NAV3: variants seen among roughly 807,000 people sequenced by gnomAD.
NAV3 encodes the protein pore membrane and/or filament interacting like protein 1.
NAV3 carries 87 observed loss-of-function variants against 244.7 expected under a neutral mutation model. That is an observed-to-expected ratio of 0.36 (90% CI 0.30 to 0.42). NAV3 has a LOEUF of 0.42. Among genes scored for constraint, NAV3 ranks in the 20% least tolerant of loss-of-function variants. The pLI is 1.00. For synonymous variants in NAV3, 1,126 were observed against 1,042.2 expected (o/e 1.08, Z -1.55); for missense variants, 2,663 against 2,893.3 (o/e 0.92, Z 1.83).
chr12:77,756,241 T>C (rs1201478183), intron 2 of NAV3, among the ~76,000 whole-genome samples: 1 of 152,158 alleles, frequency 6.6e-6, no homozygotes, highest in Non-Finnish European at 1.5e-5. Flanking sequence ...TAAAAGCAAG[T>C]GTTTATAGAA....
chr12:77,719,956 T>C (rs1391173324), intron 2 of NAV3, among the ~76,000 whole-genome samples: 1 of 152,140 alleles, frequency 6.6e-6, no homozygotes, highest in Non-Finnish European at 1.5e-5. Flanking sequence ...TTTATTTTCT[T>C]TTATTACTGA....
chr12:78,017,850 T>G (rs1876487692), intron 8 of NAV3, among the ~76,000 whole-genome samples: 2 of 152,188 alleles, frequency 1.3e-5, no homozygotes, highest in African/African-American at 2.4e-5. Context: ...TTTGATCATT[T>G]GCATAAAAGG....
At chr12:77,826,005 G>A (rs527676069), upstream of NAV3, among the ~76,000 whole-genome samples, 10 of 152,100 alleles carry the variant, frequency 6.6e-5, no homozygotes, top group East Asian at 1.7e-3. Context: ...GAGTAGAATG[G>A]CTAAAATGAA....
intron 5 of NAV3, among the ~76,000 whole-genome samples, chr12:77,982,795 G>T (rs1869810675): frequency 6.6e-6 from 1 of 152,158 alleles, no homozygotes; most frequent in Admixed American, 6.5e-5. Context: ...GTGAGAGACA[G>T]AATATCTGTG....
chr12:78,058,342 G>T (rs1250087933), intron 11 of NAV3, among the ~76,000 whole-genome samples: 1 of 152,156 alleles, frequency 6.6e-6, no homozygotes, highest in Non-Finnish European at 1.5e-5. Flanking sequence ...GAGAGCTTGT[G>T]CAAGGGAACT....
intron 2 of NAV3, among the ~76,000 whole-genome samples, chr12:77,685,857 T>C (rs1450826699): frequency 6.6e-6 from 1 of 152,240 alleles, no homozygotes. Flanking sequence ...GAATACATTT[T>C]GCCTCACTAT....
At chr12:77,648,486 G>T (rs115678092) in intron 2 of NAV3, among the ~76,000 whole-genome samples, 152 of 152,130 alleles carry the variant, frequency 1.0e-3, no homozygotes, top group African/African-American at 3.4e-3. Flanking sequence ...ATAAATTACT[G>T]ACTGGTTATT....
intron 2 of NAV3, among the ~76,000 whole-genome samples, chr12:77,630,053 C>T (rs1307072662): frequency 6.6e-6 from 1 of 152,138 alleles, no homozygotes; most frequent in Non-Finnish European, 1.5e-5. Flanking sequence ...ATGGATTTAA[C>T]TTATGAGGCT....
chr12:77,775,399 A>C (rs1870303557), intron 2 of NAV3, among the ~76,000 whole-genome samples: 1 of 151,982 alleles, frequency 6.6e-6, no homozygotes. Context: ...TCTTGAAAAA[A>C]AAAAAAAGAA....
At chr12:77,915,975 T>C (rs181265840) in intron 1 of NAV3, among the ~76,000 whole-genome samples, 1 of 152,110 alleles carries the variant, frequency 6.6e-6, no homozygotes, top group African/African-American at 2.4e-5. Context: ...TAGGTGATGA[T>C]AAGCACTTGA....
chr12:77,751,763 T>C lies in NAV3; in HGVS notation c.72+179497T>C, dbSNP rs12316024. Among the ~76,000 whole-genome samples the C allele has an allele frequency of 7.2e-3, 1,092 of 152,368 alleles. 15 individuals carry two copies. Among genetic ancestry groups the C allele is most frequent in the African/African-American group, 0.025 (1,049 of 41,588 alleles). On this transcript the variant is annotated intron_variant, in intron 2 of 8. Coordinates refer to the NAV3 transcript ENST00000550042. The stretch of plus-strand genomic sequence containing the variant: ...TAGAAGCATTATATCAATGTGAGCA[T>C]ATACATTTTGTATTCTTAAATTACA...
intron 23 of NAV3, among the ~76,000 whole-genome samples, chr12:78,166,845 G>A (rs1447869286): frequency 6.6e-6 from 1 of 151,556 alleles, no homozygotes; most frequent in African/African-American, 2.4e-5. Flanking sequence ...GTTGGCATGA[G>A]GTCTCATTCC....
intron 1 of NAV3, among the ~76,000 whole-genome samples, chr12:77,870,288 C>G (rs945916910): frequency 5.3e-5 from 8 of 150,642 alleles, no homozygotes; most frequent in African/African-American, 1.5e-4. Flanking sequence ...TTGCTTGAAA[C>G]CAGGAGGCAG....
At chr12:77,836,572 G>C (rs1199859663) in intron 1 of NAV3, among the ~76,000 whole-genome samples, 1 of 152,152 alleles carries the variant, frequency 6.6e-6, no homozygotes, top group Non-Finnish European at 1.5e-5. Flanking sequence ...GAGAGTAGGA[G>C]TCATACATAG....
chr12:78,001,017 G>A (rs927749224), intron 7 of NAV3, among the ~76,000 whole-genome samples: 5 of 151,316 alleles, frequency 3.3e-5, no homozygotes, highest in African/African-American at 1.2e-4. Context: ...ATATCCAAAT[G>A]GTACATTTTT....
chr12:77,860,389 AGT>A (rs1879086869), intron 1 of NAV3, among the ~76,000 whole-genome samples: 1 of 150,928 alleles, frequency 6.6e-6, no homozygotes, highest in Admixed American at 6.6e-5. Flanking sequence ...ACAAAAGTGA[AGT>A]ATATATATAA....
At chr12:77,842,014 G>A (rs983096821) in intron 1 of NAV3, among the ~76,000 whole-genome samples, 2 of 152,184 alleles carry the variant, frequency 1.3e-5, no homozygotes, top group African/African-American at 4.8e-5. Flanking sequence ...CTATTAGCCA[G>A]CATATAGTTA....
intron 12 of NAV3, among the ~76,000 whole-genome samples, chr12:78,082,402 G>A (rs759713352): frequency 6.6e-6 from 1 of 152,044 alleles, no homozygotes; most frequent in Non-Finnish European, 1.5e-5. Flanking sequence ...CACCCGTTTT[G>A]AAAATATCTG....
intron 31 of NAV3, 30 bp downstream of exon 31, chr12:78,185,728 C>G (rs1484693412): frequency 6.4e-7 from 1 of 1,553,978 alleles, no homozygotes; most frequent in Non-Finnish European, 8.8e-7. Flanking sequence ...CTCTTTATTA[C>G]TAACAATGAG....
Sources: allele counts gnomAD v4.1 joint callset (sites outside exome capture counted in the v4.1 genomes callset), GRCh38; gene constraint gnomAD v4.1.1; transcripts MANE v1.5; gene names NCBI Gene and HGNC (gene_info 2026-07-23, HGNC 2026-07-21).